The following INTS7 variants were observed in gnomAD, a reference collection of about 807,000 sequenced individuals.
INTS7 encodes the protein chromosome 1 open reading frame 73.
A neutral mutation model predicts 109.2 loss-of-function variants in INTS7; 46 were observed. That is an observed-to-expected ratio of 0.42 (90% CI 0.33 to 0.54). INTS7 has a LOEUF of 0.54. Ranked by LOEUF, INTS7 falls within the 20% of genes least tolerant of loss-of-function variation. The pLI is 0.07. For missense variants in INTS7, 929 were observed against 1,132.4 expected, an observed-to-expected ratio of 0.82 and a Z score of 2.58; for synonymous variants, 412 against 402.9, an observed-to-expected ratio of 1.02 and a Z score of -0.27.
intron 7 of INTS7, among the ~76,000 whole-genome samples, chr1:212,004,327 G>A (rs573736617): frequency 2.6e-5 from 4 of 152,154 alleles, no homozygotes; most frequent in Non-Finnish European, 5.9e-5. Context: ...GGGTGACAGA[G>A]CAAAATTCTG....
chr1:211,943,640 C>T (rs909717955), intron 19 of INTS7, among the ~76,000 whole-genome samples: 3 of 152,164 alleles, frequency 2.0e-5, no homozygotes, highest in Non-Finnish European at 4.4e-5. Context: ...TCAGAGTGGA[C>T]AGAGTGCCAA....
intron 7 of INTS7, 36 bp downstream of exon 7, chr1:212,006,603 A>G (rs750400588): frequency 9.0e-7 from 1 of 1,112,882 alleles, no homozygotes; most frequent in Non-Finnish European, 1.2e-6. Context: ...ATGTTATATT[A>G]TTTTTTCTAT....
At chr1:211,986,679 C>T (rs868770140) in intron 8 of INTS7, among the ~76,000 whole-genome samples, 70 of 152,254 alleles carry the variant, frequency 4.6e-4, no homozygotes, top group Middle Eastern at 6.8e-3. Flanking sequence ...GTTGCTCTGT[C>T]ATTGCTACAT....
intron 8 of INTS7, among the ~76,000 whole-genome samples, chr1:211,983,631 CTTA>C (rs915436153): frequency 6.6e-6 from 1 of 152,106 alleles, no homozygotes; most frequent in Non-Finnish European, 1.5e-5. Flanking sequence ...TTTTCCTCTG[CTTA>C]TTTTTCCATG....
chr1:211,966,414 T>C lies in INTS7; in HGVS notation c.2183+16A>G. ...AAGTGTTCTGTAACGCCAACTATTA[T>C]TAATATTAGAATTACCTTGCTGATT... is the stretch of plus-strand genomic sequence containing the variant. On this transcript the variant is annotated intron_variant, in intron 16 of 19. Coordinates refer to ENST00000366994, the MANE Select transcript of INTS7 (RefSeq NM_015434.4). 9 of 1,424,538 alleles carry C rather than the reference T, an allele frequency of 6.3e-6. No individual in the cohort carries two copies. The highest frequency in any genetic ancestry group is 8.9e-6 in the Non-Finnish European group (9 of 1,009,558). 88.2% of individuals were successfully genotyped at this position (1,424,538 alleles called of 1,614,324 possible).
intron 17 of INTS7, among the ~76,000 whole-genome samples, chr1:211,951,829 A>C (rs1663106124): frequency 6.6e-6 from 1 of 152,214 alleles, no homozygotes; most frequent in South Asian, 2.1e-4. Context: ...TTGTTATAAA[A>C]CCTGAGCAGA....
At chr1:211,978,673 A>G (rs1166802340) in intron 10 of INTS7, among the ~76,000 whole-genome samples, 162 bp from the exon 11 acceptor site, 1 of 152,124 alleles carries the variant, frequency 6.6e-6, no homozygotes, top group African/African-American at 2.4e-5. Context: ...ATCTCACATT[A>G]GGGTTTGTGA....
intron 8 of INTS7, among the ~76,000 whole-genome samples, chr1:211,983,192 A>T (rs938181930): frequency 6.6e-6 from 1 of 152,138 alleles, no homozygotes; most frequent in African/African-American, 2.4e-5. Context: ...GAGAAAAGAG[A>T]AAAAAATTTA....
At chr1:211,986,542 C>A (rs1184639476) in intron 8 of INTS7, among the ~76,000 whole-genome samples, 1 of 152,142 alleles carries the variant, frequency 6.6e-6, no homozygotes, top group East Asian at 1.9e-4. Context: ...AAAGACCATG[C>A]ATGGAATTAG....
At chr1:211,971,871 G>A (rs992714090) in intron 13 of INTS7, among the ~76,000 whole-genome samples, 16 of 136,944 alleles carry the variant, frequency 1.2e-4, no homozygotes, top group African/African-American at 4.1e-4. Context: ...AGCCAAGATC[G>A]TGCCACTGCA....
In INTS7 at chr1:212,007,393, G is replaced by A; in HGVS notation, c.613C>T (p.His205Tyr). 2 of 1,613,858 alleles carry A rather than the reference G, an allele frequency of 1.2e-6. No individual in the cohort carries two copies. The highest frequency in any genetic ancestry group is 2.2e-5 in the East Asian group (1 of 44,880). ...CTGGAAGCCAAGATTGCATCATGGTGCATGTGCTGTAGAATGGGTATCAAT... is the reference window on the plus strand; with the variant it reads ...CTGGAAGCCAAGATTGCATCATGGTACATGTGCTGTAGAATGGGTATCAAT... ...LKLIPILQHM[H>Y]HDAILASSAR... is the part of the protein sequence containing the mutation. Residue 205 changes from histidine (H) to tyrosine (Y), a missense_variant, in exon 6 of 20, where the codon CAC becomes TAC. Physicochemically the swap from His to Tyr is moderately conservative, Grantham distance 83. Transcript: ENST00000366994.
chr1:211,984,861 A>C (rs1664825242), intron 8 of INTS7, among the ~76,000 whole-genome samples: 1 of 152,110 alleles, frequency 6.6e-6, no homozygotes. Flanking sequence ...GCTCCGTGCC[A>C]TATTTTCTTT....
intron 1 of INTS7, among the ~76,000 whole-genome samples, chr1:212,028,292 T>A (rs1026133434): frequency 1.3e-5 from 2 of 152,226 alleles, no homozygotes; most frequent in African/African-American, 4.8e-5. Flanking sequence ...ACTGTCAAGT[T>A]TTACAAATCA....
intron 12 of INTS7, among the ~76,000 whole-genome samples, 183 bp from the exon 13 acceptor site, chr1:211,975,555 T>C (rs1664383282): frequency 1.3e-5 from 2 of 152,236 alleles, no homozygotes; most frequent in Admixed American, 6.5e-5. Context: ...GAAAATATGC[T>C]GAGTTGCTTT....
chr1:211,955,404 G>T (rs1392428674), intron 16 of INTS7, among the ~76,000 whole-genome samples: 1 of 152,112 alleles, frequency 6.6e-6, no homozygotes, highest in Non-Finnish European at 1.5e-5. Flanking sequence ...CTGCCTGACT[G>T]CCCTGGCCAG....
rs1662693621 is a variant in INTS7, at chr1:211,942,796, G to A, written c.2602-685C>T. ...TCATGCCTTTGTTCTTCAAAGACCA[G>A]AATAAAACCTGCTGACGTACTCTTA... On this transcript the variant is annotated intron_variant, in intron 19 of 19. Transcript: ENST00000366994. This position sits in a 1 kb window ranked among gnomAD's most constrained non-coding sequence, Gnocchi z 4.2. 2.0e-5 allele frequency among the ~76,000 whole-genome samples: 3 copies of A among 152,134 alleles called. No individual in the cohort carries two copies. Among genetic ancestry groups the A allele is most frequent in the Admixed American group, 2.0e-4 (3 of 15,278 alleles).
chr1:212,030,889 C>T (rs2993550), intron 1 of INTS7: 152,005 of 152,366 alleles, frequency 1, 75,822 homozygotes, highest in Middle Eastern at 1. Context: ...GACAAACTTT[C>T]TTGATGGTCT....
At chr1:212,028,222 G>A (rs141423505) in intron 1 of INTS7, among the ~76,000 whole-genome samples, 31 of 152,324 alleles carry the variant, frequency 2.0e-4, no homozygotes, top group African/African-American at 7.0e-4. Context: ...CTACTAGGCT[G>A]CTGAATTTGG....
chr1:212,006,172 A>G (rs1042120771), intron 7 of INTS7, among the ~76,000 whole-genome samples: 8 of 152,186 alleles, frequency 5.3e-5, no homozygotes, highest in African/African-American at 1.7e-4. Context: ...TTAAAAGTCT[A>G]AAGAGTGAGA....
Sources: gnomAD v4.1 joint callset for allele counts (sites outside exome capture counted in the v4.1 genomes callset) on GRCh38, gnomAD v4.1.1 for gene constraint, Gnocchi (gnomAD v3.1) non-coding constraint, MANE v1.5 for transcripts, NCBI Gene and HGNC (gene_info 2026-07-23, HGNC 2026-07-21) for gene names.